PCDH15: variants seen among roughly 807,000 people sequenced by gnomAD.
The protein encoded by PCDH15 is protocadherin-15.
PCDH15 carries 129 observed loss-of-function variants against 178.5 expected under a neutral mutation model. The ratio of observed to expected loss-of-function variants is 0.72; its 90% confidence interval spans 0.63 to 0.84. The LOEUF (loss-of-function observed/expected upper bound fraction) is 0.84. PCDH15 is among the 40% of genes least tolerant of loss of function. The pLI, the probability that PCDH15 is intolerant of heterozygous loss-of-function variation, is 0.00. For missense variants in PCDH15, 2,230 were observed against 2,099.9 expected (o/e 1.06, Z -1.21); for synonymous variants, 800 against 732.0 (o/e 1.09, Z -1.50).
chr10:55,158,956 G>T lies in PCDH15; in HGVS notation c.-80+7620C>A, dbSNP rs528314888. ...GTGCTAAAGTGTTTTGCTGTTTGAT[G>T]AAGCAATTTTTAAAATATCACCTAA... On this transcript the variant is annotated intron_variant, in intron 2 of 5. Coordinates refer to the PCDH15 transcript ENST00000458638. 4.9e-3 allele frequency among the ~76,000 whole-genome samples: 749 copies of T among 151,824 alleles called. 9 individuals carry two copies. Among genetic ancestry groups the T allele is most frequent in the African/African-American group, 0.017 (707 of 41,456 alleles).
At chr10:55,267,306 G>T (rs1009562647) in intron 1 of PCDH15, among the ~76,000 whole-genome samples, 1 of 152,008 alleles carries the variant, frequency 6.6e-6, no homozygotes, top group African/African-American at 2.4e-5. Flanking sequence ...AACCTCTAAA[G>T]ATGAATCCTT....
At chr10:55,492,853 T>C (rs1350403121) in intron 2 of PCDH15, among the ~76,000 whole-genome samples, 1 of 151,690 alleles carries the variant, frequency 6.6e-6, no homozygotes, top group African/African-American at 2.4e-5. Context: ...ATATATGCTA[T>C]CAATAAAGAG....
chr10:53,933,190 ATACTTT>A (rs2085238266), intron 25 of PCDH15, among the ~76,000 whole-genome samples: 1 of 151,634 alleles, frequency 6.6e-6, no homozygotes, highest in Non-Finnish European at 1.5e-5. Context: ...TATTATTATT[ATACTTT>A]AAGTTTTAGG....
intron 5 of PCDH15, among the ~76,000 whole-genome samples, chr10:54,358,831 A>G (rs1253461165): frequency 1.3e-5 from 2 of 152,076 alleles, no homozygotes; most frequent in South Asian, 2.1e-4. Context: ...CTATGCAGCC[A>G]TAAAAAATGA....
intron 13 of PCDH15, among the ~76,000 whole-genome samples, chr10:54,169,840 C>T (rs866934396): frequency 6.6e-6 from 1 of 151,800 alleles, no homozygotes; most frequent in Admixed American, 6.6e-5. Context: ...CCTTACAATT[C>T]CCCCATTTCA....
At chr10:55,625,776 C>A (rs1452062671) in intron 2 of PCDH15, among the ~76,000 whole-genome samples, 1 of 152,140 alleles carries the variant, frequency 6.6e-6, no homozygotes, top group East Asian at 1.9e-4. Flanking sequence ...TCTACACACA[C>A]ACTCTCTCTC....
chr10:55,090,489 A>T (rs1470756272), intron 2 of PCDH15, among the ~76,000 whole-genome samples: 1 of 151,938 alleles, frequency 6.6e-6, no homozygotes, highest in Non-Finnish European at 1.5e-5. Context: ...GCAGGGTAAA[A>T]TTGTTGTGGC....
At chr10:53,825,137 T>G (rs2076592226) in intron 32 of PCDH15, 1 of 1,542,170 alleles carries the variant, frequency 6.5e-7, no homozygotes, top group African/African-American at 1.4e-5. Context: ...TTTACTTACT[T>G]ATGCCTATGT....
At chr10:54,845,787 G>A (rs908546706) in intron 3 of PCDH15, among the ~76,000 whole-genome samples, 2 of 152,040 alleles carry the variant, frequency 1.3e-5, no homozygotes, top group African/African-American at 4.8e-5. Context: ...GGGAATGAAT[G>A]TAAAGATGTT....
chr10:53,988,350 G>A (rs553438015), intron 21 of PCDH15, among the ~76,000 whole-genome samples: 43 of 152,256 alleles, frequency 2.8e-4, no homozygotes, highest in African/African-American at 9.9e-4. Context: ...CTGAGGCCGA[G>A]GGGATGGGGG....
chr10:54,015,500 A>G (rs994582639), intron 20 of PCDH15, among the ~76,000 whole-genome samples: 16 of 152,346 alleles, frequency 1.1e-4, no homozygotes, highest in African/African-American at 3.8e-4. Context: ...ACTTCAAACT[A>G]TACTACAATG....
At chr10:54,423,839 C>T (rs1468380932) in intron 3 of PCDH15, among the ~76,000 whole-genome samples, 2 of 151,890 alleles carry the variant, frequency 1.3e-5, no homozygotes, top group Non-Finnish European at 2.9e-5. Flanking sequence ...GGATCCCTTC[C>T]TTACACCTTA....
chr10:55,289,993 T>A (rs1174677810), intron 1 of PCDH15, among the ~76,000 whole-genome samples: 1 of 151,864 alleles, frequency 6.6e-6, no homozygotes, highest in African/African-American at 2.4e-5. Context: ...TAAGAAAACA[T>A]AAAGAAGACC....
At chr10:54,223,562 T>TTTTTTTTTTTTTTTTTTGA (rs1554845758) in intron 9 of PCDH15, among the ~76,000 whole-genome samples, 2 of 146,310 alleles carry the variant, frequency 1.4e-5, no homozygotes, top group Non-Finnish European at 3.0e-5. Context: ...ATATTATTTT[T>TTTTTTTTTTTTTTTTTTGA]GAAGTGTTTA....
At chr10:54,536,561 G>A (rs1248770009) in intron 2 of PCDH15, among the ~76,000 whole-genome samples, 2 of 152,122 alleles carry the variant, frequency 1.3e-5, no homozygotes, top group African/African-American at 4.8e-5. Flanking sequence ...TGGGTATACT[G>A]TAAGGTTTGG....
chr10:54,705,931 T>C (rs910345993), intron 1 of PCDH15, among the ~76,000 whole-genome samples: 3 of 152,134 alleles, frequency 2.0e-5, no homozygotes, highest in Non-Finnish European at 4.4e-5. Flanking sequence ...AACGGTACAG[T>C]GAAACTTGCC....
At chr10:54,608,182 G>A (rs1055840372) in intron 2 of PCDH15, among the ~76,000 whole-genome samples, 1 of 151,734 alleles carries the variant, frequency 6.6e-6, no homozygotes, top group Non-Finnish European at 1.5e-5. Flanking sequence ...TCAATAAAAG[G>A]AGAGGCCAGG....
chr10:53,907,951 T>C (rs1381142773), intron 25 of PCDH15, among the ~76,000 whole-genome samples: 1 of 152,200 alleles, frequency 6.6e-6, no homozygotes, highest in Admixed American at 6.5e-5. Flanking sequence ...ATCAAGACTG[T>C]GATGCTAGTT....
intron 26 of PCDH15, among the ~76,000 whole-genome samples, chr10:53,901,761 T>C (rs1482966258): frequency 1.3e-5 from 2 of 152,176 alleles, no homozygotes; most frequent in Non-Finnish European, 1.5e-5. Flanking sequence ...CCCAGAATGC[T>C]GCTCACTTAA....
Sources: gnomAD v4.1 joint callset for allele counts (sites outside exome capture counted in the v4.1 genomes callset) on GRCh38, gnomAD v4.1.1 for gene constraint, MANE v1.5 for transcripts, NCBI Gene and HGNC (gene_info 2026-07-23, HGNC 2026-07-21) for gene names.